The following MYO1D variants were observed in gnomAD, a reference collection of about 807,000 sequenced individuals.
The protein encoded by MYO1D is myosin ID.
In MYO1D, 83 loss-of-function variants were observed where a neutral mutation model predicts 122.0. The observed-to-expected ratio is 0.68, with a 90% confidence interval of 0.57 to 0.82. The LOEUF (loss-of-function observed/expected upper bound fraction) is 0.82, where lower values mean the gene tolerates loss of function less well. Among genes scored for constraint, MYO1D ranks in the 40% least tolerant of loss-of-function variants. The probability of loss-of-function intolerance (pLI) is 0.00; values close to 1 mark genes in which losing one functional copy is unlikely to be tolerated. For synonymous variants in MYO1D, 464 were observed against 446.9 expected, an observed-to-expected ratio of 1.04 and a Z score of -0.48; for missense variants, 1,157 against 1,269.5, an observed-to-expected ratio of 0.91 and a Z score of 1.35.
At chr17:32,589,959 C>T (rs560820995) in intron 21 of MYO1D, among the ~76,000 whole-genome samples, 1 of 152,154 alleles carries the variant, frequency 6.6e-6, no homozygotes, top group Non-Finnish European at 1.5e-5. Flanking sequence ...GCATGTGGGG[C>T]CCACAGATGT....
At chr17:32,564,129 T>C in intron 21 of MYO1D, among the ~76,000 whole-genome samples, 1 of 152,362 alleles carries the variant, frequency 6.6e-6, no homozygotes, top group Middle Eastern at 3.4e-3. Flanking sequence ...CCAAAGACCC[T>C]TGTGGAGTCC....
intron 8 of MYO1D, among the ~76,000 whole-genome samples, chr17:32,764,360 G>A (rs980322700): frequency 2.0e-5 from 3 of 152,144 alleles, no homozygotes; most frequent in Admixed American, 1.3e-4. Flanking sequence ...ACTGCAAAGC[G>A]TGGTGACTGT....
intron 1 of MYO1D, among the ~76,000 whole-genome samples, chr17:32,855,048 A>C (rs895140568): frequency 6.6e-6 from 1 of 152,290 alleles, no homozygotes; most frequent in South Asian, 2.1e-4. Flanking sequence ...AACTAACAAT[A>C]AAATTGTTGG....
intron 17 of MYO1D, among the ~76,000 whole-genome samples, chr17:32,654,985 AT>A (rs1175065700): frequency 6.6e-6 from 1 of 152,192 alleles, no homozygotes; most frequent in Non-Finnish European, 1.5e-5. Flanking sequence ...GGCTCCATGC[AT>A]TCTCAAAAAT....
At chr17:32,765,577 G>A (rs946581655) in intron 7 of MYO1D, among the ~76,000 whole-genome samples, 11 of 152,018 alleles carry the variant, frequency 7.2e-5, no homozygotes, top group Middle Eastern at 3.2e-3. Context: ...TCCTGCCTCA[G>A]CCTCCTGAAG....
intron 1 of MYO1D, among the ~76,000 whole-genome samples, chr17:32,853,907 C>G (rs943271223): frequency 6.6e-6 from 1 of 152,216 alleles, no homozygotes; most frequent in South Asian, 2.1e-4. Context: ...GTTCAAACAA[C>G]TGTCTCGCAG....
intron 16 of MYO1D, among the ~76,000 whole-genome samples, chr17:32,669,616 C>A (rs2088682450): frequency 6.6e-6 from 1 of 152,166 alleles, no homozygotes. Context: ...AGGCCCCAGG[C>A]ACTGAATCTA....
At chr17:32,697,269 T>C (rs930404293) in intron 16 of MYO1D, among the ~76,000 whole-genome samples, 6 of 152,240 alleles carry the variant, frequency 3.9e-5, no homozygotes, top group Admixed American at 2.0e-4. Flanking sequence ...TTAAAATGCA[T>C]GTGAGCACCT....
chr17:32,874,965 G>C (rs2466830), intron 1 of MYO1D, among the ~76,000 whole-genome samples: 51,704 of 151,898 alleles, frequency 0.34, 9,002 homozygotes, highest in Admixed American at 0.41. Context: ...TTCTATTACA[G>C]AGGAGTAGTC....
At chr17:32,798,130 A>G (rs570883579) in intron 1 of MYO1D, among the ~76,000 whole-genome samples, 5 of 152,242 alleles carry the variant, frequency 3.3e-5, no homozygotes, top group Admixed American at 6.5e-5. Context: ...GGAAAACCGG[A>G]AAGTTTCCCA....
intron 21 of MYO1D, among the ~76,000 whole-genome samples, chr17:32,552,698 C>G (rs1313139862): frequency 1.3e-5 from 2 of 152,130 alleles, no homozygotes; most frequent in Non-Finnish European, 1.5e-5. Context: ...TGCTCTTGCT[C>G]CAATGGAAGA....
chr17:32,511,808 T>G (rs1335938306), intron 21 of MYO1D, among the ~76,000 whole-genome samples: 1 of 152,138 alleles, frequency 6.6e-6, no homozygotes, highest in African/African-American at 2.4e-5. Flanking sequence ...AACAGACGAT[T>G]TTTAGTGGTT....
intron 1 of MYO1D, among the ~76,000 whole-genome samples, chr17:32,823,155 A>G (rs1448727284): frequency 1.3e-5 from 2 of 152,184 alleles, no homozygotes; most frequent in African/African-American, 4.8e-5. Flanking sequence ...TTGCTTCCTC[A>G]GTATAGGCAC....
In MYO1D at chr17:32,604,963, A is replaced by G. The variant is rs182888354; in HGVS notation, c.2864+124T>C. The G allele has an allele frequency of 1.2e-4, 113 of 910,124 alleles. No homozygotes were observed. The African/African-American group carries it at 1.7e-3, about 14-fold the overall frequency. The allele number at this position is 910,124 out of a possible 1,614,324, so 56.4% of individuals were successfully genotyped here. ...TACCTTCTGCGAAACAGATGATTTA[A>G]GTTGTCCTTATGGAGAAAAATAGCT... On this transcript the variant is annotated intron_variant, in intron 21 of 21. Coordinates refer to ENST00000318217, the MANE Select transcript of MYO1D (RefSeq NM_015194.3).
chr17:32,603,521 CTTTTTTTTTTT>C lies in MYO1D; in HGVS notation c.2864+1555_2864+1565del, dbSNP rs776245633. On this transcript the variant is annotated intron_variant, in intron 21 of 21. Coordinates refer to ENST00000318217, the MANE Select transcript of MYO1D (RefSeq NM_015194.3). ...TTATGTCTTTTCCTTACATTCTAAA[CTTTTTTTTTTT>C]TTTTTTTTTTTGAGACAGAGTCTCC... 1.3e-4 allele frequency among the ~76,000 whole-genome samples: 13 copies of C among 99,678 alleles called. No individual in the cohort carries two copies. In the South Asian group the frequency reaches 4.0e-3, roughly 31 times the overall value. The allele number at this position is 99,678 out of a possible 152,430, so 65.4% of individuals were successfully genotyped here. A position where few individuals can be genotyped will look rare whatever the true frequency, so the allele number is the denominator to read the frequency against.
Position 32,563,313 on chromosome 17 carries a change from G to A in MYO1D, c.2864+41774C>T, listed in dbSNP as rs929053633. 1.2e-4 allele frequency among the ~76,000 whole-genome samples: 18 copies of A among 148,946 alleles called. 1 individual carries two copies. The South Asian group carries it at 3.2e-3, about 26-fold the overall frequency. On this transcript the variant is annotated intron_variant, in intron 21 of 21. Transcript: ENST00000318217. The stretch of plus-strand genomic sequence containing the variant: ...CAACCTCCGTCTCCCGGGTTCCAGC[G>A]ATTCTTTTGCCTCAGCCTCCTGAGT...
intron 20 of MYO1D, among the ~76,000 whole-genome samples, chr17:32,618,893 C>T (rs1466044141): frequency 6.6e-6 from 1 of 152,114 alleles, no homozygotes; most frequent in Non-Finnish European, 1.5e-5. Context: ...CTTCGGCCTC[C>T]CAAAGTGCTG....
intron 21 of MYO1D, among the ~76,000 whole-genome samples, chr17:32,567,215 G>A (rs567946587): frequency 6.6e-6 from 1 of 152,292 alleles, no homozygotes; most frequent in East Asian, 1.9e-4. Flanking sequence ...GCATCCTGAG[G>A]ACAGGAACCT....
At chr17:32,511,234 T>A (rs550702182) in intron 21 of MYO1D, among the ~76,000 whole-genome samples, 1 of 152,198 alleles carries the variant, frequency 6.6e-6, no homozygotes, top group South Asian at 2.1e-4. Flanking sequence ...CTGTTTTTTT[T>A]TTTGGAAACA....
Sources: gnomAD v4.1 joint callset for allele counts (sites outside exome capture counted in the v4.1 genomes callset) on GRCh38, gnomAD v4.1.1 for gene constraint, MANE v1.5 for transcripts, NCBI Gene and HGNC (gene_info 2026-07-23, HGNC 2026-07-21) for gene names.